The following FMN2 variants were observed in gnomAD, a reference collection of about 807,000 sequenced individuals.
The protein encoded by FMN2 is formin-2.
FMN2 carries 51 observed loss-of-function variants against 142.3 expected under a neutral mutation model. The ratio of observed to expected loss-of-function variants is 0.36; its 90% CI spans 0.29 to 0.45. The LOEUF is 0.45. Ranked by LOEUF, FMN2 falls within the 20% of genes least tolerant of loss-of-function variation. FMN2 has a pLI of 1.00. For missense variants in FMN2, 1,936 were observed against 2,122.8 expected (o/e 0.91, Z 1.73); for synonymous variants, 882 against 869.8 (o/e 1.01, Z -0.25).
chr1:240,463,986 G>A (rs1248687074), intron 16 of FMN2, among the ~76,000 whole-genome samples: 2 of 151,970 alleles, frequency 1.3e-5, no homozygotes, highest in African/African-American at 4.8e-5. Context: ...CTGGGTGACA[G>A]AGGGATACTC....
chr1:240,240,102 A>C (rs1333357800), intron 6 of FMN2, among the ~76,000 whole-genome samples: 1 of 152,184 alleles, frequency 6.6e-6, no homozygotes, highest in Non-Finnish European at 1.5e-5. Flanking sequence ...TTGATAACAC[A>C]GGGCGTTAAG....
At chr1:240,218,422 T>C (rs1263475126) in intron 6 of FMN2, among the ~76,000 whole-genome samples, 1 of 152,078 alleles carries the variant, frequency 6.6e-6, no homozygotes, top group African/African-American at 2.4e-5. Context: ...TAAGTGCTCT[T>C]TGGAATGCCA....
intron 14 of FMN2, among the ~76,000 whole-genome samples, chr1:240,389,461 T>C (rs772426339): frequency 6.6e-6 from 1 of 152,226 alleles, no homozygotes; most frequent in South Asian, 2.1e-4. Flanking sequence ...CTGAAAAGCA[T>C]AGCTGGTCTG....
intron 2 of FMN2, among the ~76,000 whole-genome samples, chr1:240,167,707 C>T (rs1383725996): frequency 6.6e-6 from 1 of 152,020 alleles, no homozygotes; most frequent in Non-Finnish European, 1.5e-5. Flanking sequence ...GAAGATCATG[C>T]AATTATTTAA....
chr1:240,294,515 G>T (rs918494132), intron 7 of FMN2, among the ~76,000 whole-genome samples: 3 of 152,196 alleles, frequency 2.0e-5, no homozygotes, highest in South Asian at 2.1e-4. Context: ...TATTTTGCTG[G>T]TATGAAGCAG....
At chr1:240,219,650 A>ATTTTTTTTTTTTTTTTTTTT (rs1558374533) in intron 6 of FMN2, among the ~76,000 whole-genome samples, 2 of 151,978 alleles carry the variant, frequency 1.3e-5, no homozygotes, top group African/African-American at 4.8e-5. Flanking sequence ...AGGTTTTAAA[A>ATTTTTTTTTTTTTTTTTTTT]TTTTTTGTAT....
intron 13 of FMN2, among the ~76,000 whole-genome samples, chr1:240,345,943 C>T (rs1029699244): frequency 4.6e-5 from 7 of 152,138 alleles, no homozygotes; most frequent in Non-Finnish European, 8.8e-5. Flanking sequence ...AAAATAATAG[C>T]TGAGTGAATT....
chr1:240,393,679 CCAAA>C (rs1310729014), intron 15 of FMN2, among the ~76,000 whole-genome samples: 1 of 152,142 alleles, frequency 6.6e-6, no homozygotes, highest in African/African-American at 2.4e-5. Flanking sequence ...ACGTCTAGTG[CCAAA>C]CAGTTAGCCA....
chr1:240,396,166 C>CTTTA (rs1451682214), intron 15 of FMN2, among the ~76,000 whole-genome samples: 1 of 152,114 alleles, frequency 6.6e-6, no homozygotes, highest in Non-Finnish European at 1.5e-5. Flanking sequence ...CTGTTGCATA[C>CTTTA]TTAATAGACT....
intron 5 of FMN2, among the ~76,000 whole-genome samples, chr1:240,209,233 T>C (rs1312453059): frequency 2.8e-5 from 4 of 145,406 alleles, no homozygotes; most frequent in Non-Finnish European, 6.0e-5. Context: ...AAAATGTAAA[T>C]CAAATTCTTA....
chr1:240,461,589 A>G (rs965319582), intron 16 of FMN2, among the ~76,000 whole-genome samples: 1 of 152,210 alleles, frequency 6.6e-6, no homozygotes, highest in African/African-American at 2.4e-5. Context: ...TCATCTATTC[A>G]AATCTACTTT....
chr1:240,309,150 A>G (rs1183708065), intron 8 of FMN2, among the ~76,000 whole-genome samples: 1 of 152,212 alleles, frequency 6.6e-6, no homozygotes, highest in East Asian at 1.9e-4. Flanking sequence ...ACAAGAATAT[A>G]GTGATAACTT....
At chr1:240,407,253 T>C (rs1404054624) in intron 15 of FMN2, among the ~76,000 whole-genome samples, 1 of 152,066 alleles carries the variant, frequency 6.6e-6, no homozygotes, top group Non-Finnish European at 1.5e-5. Flanking sequence ...TTCTCCTGCC[T>C]CAGCCTCCAG....
Position 240,159,455 on chromosome 1 carries a change from G to A in FMN2, c.1783-18466G>A, listed in dbSNP as rs1050471964. ...GCCCCACTCCCAGCAAACCTGAGCC[G>A]TCACATCTCTCTCTTTTGGTTATGG... On this transcript the variant is annotated intron_variant, in intron 2 of 17. Coordinates refer to ENST00000319653, the MANE Select transcript of FMN2 (RefSeq NM_020066.5). Among the ~76,000 whole-genome samples, 17 of 152,172 alleles carry A rather than the reference G, an allele frequency of 1.1e-4. No individual in the cohort carries two copies. In the East Asian group the frequency reaches 1.6e-3, roughly 14 times the overall value.
intron 16 of FMN2, among the ~76,000 whole-genome samples, chr1:240,455,174 C>T (rs931293939): frequency 5.1e-5 from 2 of 39,016 alleles, no homozygotes; most frequent in Non-Finnish European, 1.2e-4. Flanking sequence ...ACATGACCAT[C>T]GGAAAGTAAA....
At chr1:240,135,514 G>C (rs80209498) in intron 2 of FMN2, among the ~76,000 whole-genome samples, 1 of 152,030 alleles carries the variant, frequency 6.6e-6, no homozygotes, top group Non-Finnish European at 1.5e-5. Context: ...AAATTGCCTC[G>C]TATGGGGAAC....
chr1:240,217,364 A>G (rs912118947), intron 6 of FMN2, among the ~76,000 whole-genome samples: 4 of 152,328 alleles, frequency 2.6e-5, no homozygotes, highest in South Asian at 2.1e-4. Flanking sequence ...TTCCAGTTGT[A>G]GTTGGCAAGG....
Position 240,415,966 on chromosome 1 carries a change from C to T in FMN2, c.4911-22095C>T, listed in dbSNP as rs1674563701. 3.9e-5 allele frequency among the ~76,000 whole-genome samples: 6 copies of T among 152,122 alleles called. 1 individual carries two copies. In the South Asian group the frequency reaches 1.2e-3, roughly 31 times the overall value. On this transcript the variant is annotated intron_variant, in intron 15 of 17. Coordinates refer to ENST00000319653, the MANE Select transcript of FMN2 (RefSeq NM_020066.5). ...CAGCCTCCTTCAGCTTCTATTCTCCCTCTTTGCTTTTCTGTCTCAATTTTC... is the reference window on the plus strand; with the variant it reads ...CAGCCTCCTTCAGCTTCTATTCTCCTTCTTTGCTTTTCTGTCTCAATTTTC...
chr1:240,406,191 T>A (rs1572274187), intron 15 of FMN2, among the ~76,000 whole-genome samples: 1 of 46,516 alleles, frequency 2.1e-5, no homozygotes. Context: ...GGAAGCAGCC[T>A]CGGGAGTCGG....
Sources: gnomAD v4.1 joint callset for allele counts (sites outside exome capture counted in the v4.1 genomes callset) on GRCh38, gnomAD v4.1.1 for gene constraint, MANE v1.5 for transcripts, NCBI Gene and HGNC (gene_info 2026-07-23, HGNC 2026-07-21) for gene names.